The following TENM2 variants were observed in gnomAD, a reference collection of about 807,000 sequenced individuals.
The protein encoded by TENM2 is teneurin transmembrane protein 2, also known as teneurin-2.
A neutral mutation model predicts 245.2 loss-of-function variants in TENM2; 52 were observed. That is an observed-to-expected ratio of 0.21 (90% CI 0.17 to 0.27). TENM2 has a LOEUF of 0.27. TENM2 is among the 10% of genes least tolerant of loss of function. TENM2 has a pLI of 1.00. For synonymous variants in TENM2, 1,363 were observed against 1,438.9 expected, an observed-to-expected ratio of 0.95 and a Z score of 1.19; for missense variants, 3,046 against 3,666.8, an observed-to-expected ratio of 0.83 and a Z score of 4.37.
chr5:167,491,998 C>T (rs181106846), intron 2 of TENM2, among the ~76,000 whole-genome samples: 9 of 152,056 alleles, frequency 5.9e-5, no homozygotes, highest in East Asian at 5.8e-4. Context: ...GAAAGAGGAA[C>T]GCTTTTTCAA....
intron 2 of TENM2, among the ~76,000 whole-genome samples, chr5:167,736,857 A>G (rs1250722438): frequency 2.0e-5 from 3 of 152,152 alleles, no homozygotes; most frequent in Non-Finnish European, 4.4e-5. Context: ...CATCCTAACA[A>G]GGGGCTGAAG....
At chr5:167,166,944 A>G in the TENM2 span, among the ~76,000 whole-genome samples, 1 of 152,282 alleles carries the variant, frequency 6.6e-6, no homozygotes, top group Non-Finnish European at 1.5e-5. Flanking sequence ...CAGGGGCTAG[A>G]TGAGCAAAGC....
chr5:167,139,304 G>T, the TENM2 span, among the ~76,000 whole-genome samples: 10 of 152,184 alleles, frequency 6.6e-5, no homozygotes, highest in African/African-American at 2.4e-4. Flanking sequence ...ATAGAAGAAG[G>T]CAATGAGAAT....
At chr5:167,789,322 T>C (rs1474935498) in intron 2 of TENM2, among the ~76,000 whole-genome samples, 1 of 152,176 alleles carries the variant, frequency 6.6e-6, no homozygotes, top group Non-Finnish European at 1.5e-5. Flanking sequence ...GAGCTACCCA[T>C]TGTGGGAAGC....
chr5:168,130,249 C>T (rs1754452145), intron 12 of TENM2: 2 of 152,156 alleles, frequency 1.3e-5, no homozygotes, highest in African/African-American at 4.8e-5. Flanking sequence ...GATTGCTAAA[C>T]ATTTAAATAT....
chr5:167,051,710 A>C, the TENM2 span, among the ~76,000 whole-genome samples: 1 of 152,232 alleles, frequency 6.6e-6, no homozygotes, highest in East Asian at 1.9e-4. Context: ...AAGGTGGATT[A>C]TCTGAAAAGA....
the TENM2 span, among the ~76,000 whole-genome samples, chr5:167,001,032 T>C: frequency 6.0e-4 from 92 of 152,256 alleles, no homozygotes; most frequent in South Asian, 3.5e-3. Flanking sequence ...GGTTTGTTGA[T>C]TGATTGATTG....
intron 2 of TENM2, among the ~76,000 whole-genome samples, chr5:167,377,368 G>A (rs1030595383): frequency 1.3e-5 from 2 of 152,124 alleles, no homozygotes; most frequent in Admixed American, 1.3e-4. Flanking sequence ...ATTACATGAA[G>A]AGAAATGTAC....
At position 167,512,521 on chromosome 5, in the gene TENM2, C is replaced by T. The variant is rs147135968; in HGVS notation, c.502+137048C>T. ...CCGAGGGATGTAGTGGAATCTTTTGCTGTAATGAATTTATAGCATGGTGCT... is the reference window on the plus strand; with the variant it reads ...CCGAGGGATGTAGTGGAATCTTTTGTTGTAATGAATTTATAGCATGGTGCT... On this transcript the variant is annotated intron_variant, in intron 2 of 28. Coordinates refer to ENST00000518659, the Ensembl canonical transcript of TENM2. Among the ~76,000 whole-genome samples the T allele has an allele frequency of 5.3e-5, 8 of 152,242 alleles. No homozygotes were observed. The East Asian group carries it at 1.5e-3, about 29-fold the overall frequency.
Position 167,762,409 on chromosome 5 carries a change from A to G in TENM2, c.503-113577A>G, listed in dbSNP as rs74794507. On this transcript the variant is annotated intron_variant, in intron 2 of 28. Coordinates refer to ENST00000518659, the Ensembl canonical transcript of TENM2. ...CATTAAGGATCAAAAAGAACACATA[A>G]TATTTGTGATGGCCAATCATATTCT... Among the ~76,000 whole-genome samples the G allele has an allele frequency of 2.4e-3, 362 of 152,238 alleles. 5 individuals carry two copies. The highest frequency in any genetic ancestry group is 8.4e-3 in the African/African-American group (347 of 41,554).
intron 5 of TENM2, among the ~76,000 whole-genome samples, chr5:168,020,723 A>T (rs1470486435): frequency 1.3e-5 from 2 of 152,294 alleles, no homozygotes; most frequent in African/African-American, 4.8e-5. Flanking sequence ...AGTTGCTAAG[A>T]TACAGTGTGT....
At chr5:167,782,313 C>CA (rs767675565) in intron 2 of TENM2, among the ~76,000 whole-genome samples, 4,871 of 58,538 alleles carry the variant, frequency 0.083, 378 homozygotes, top group Middle Eastern at 0.1. Flanking sequence ...AACTCTGTCT[C>CA]AAAAAAAAAA....
At chr5:167,487,786 T>G (rs1340752119) in intron 2 of TENM2, among the ~76,000 whole-genome samples, 2 of 152,190 alleles carry the variant, frequency 1.3e-5, no homozygotes, top group Non-Finnish European at 2.9e-5. Context: ...AAACTTCAGG[T>G]GGAATACTGC....
the TENM2 span, among the ~76,000 whole-genome samples, chr5:167,161,302 A>T: frequency 2.6e-5 from 4 of 152,210 alleles, no homozygotes; most frequent in African/African-American, 7.2e-5. Flanking sequence ...GAATCACTCG[A>T]CTATACCCTG....
chr5:167,269,536 T>TACACACAC, the TENM2 span, among the ~76,000 whole-genome samples: 58 of 150,720 alleles, frequency 3.8e-4, no homozygotes, highest in Non-Finnish European at 5.5e-4. Context: ...AAATAGTGAC[T>TACACACAC]ACACACACAC....
intron 2 of TENM2, among the ~76,000 whole-genome samples, chr5:167,854,519 A>C (rs1178716325): frequency 1.3e-5 from 2 of 152,208 alleles, no homozygotes. Context: ...CTACCTTGTC[A>C]GTTCTGTTCC....
chr5:166,996,909 G>A, the TENM2 span, among the ~76,000 whole-genome samples: 1 of 152,082 alleles, frequency 6.6e-6, no homozygotes, highest in East Asian at 1.9e-4. Context: ...TGGACTAACT[G>A]CCCCTTTCCC....
chr5:167,880,093 C>G (rs1464317200), intron 3 of TENM2, among the ~76,000 whole-genome samples: 1 of 152,070 alleles, frequency 6.6e-6, no homozygotes, highest in South Asian at 2.1e-4. Context: ...GCTGGAGTGG[C>G]GTGATCTTGG....
rs112308487 is a variant in TENM2, at chr5:168,235,701, G to A, written c.5520+7571G>A. 8.7e-4 allele frequency among the ~76,000 whole-genome samples: 133 copies of A among 152,164 alleles called. 1 individual carries two copies. The East Asian group carries it at 0.018, about 20-fold the overall frequency. ...GCACGCCTATAATCCCAGCTACTTCGGAGGCTGAGGCAATAGAATCACTTG... is the reference window on the plus strand; with the variant it reads ...GCACGCCTATAATCCCAGCTACTTCAGAGGCTGAGGCAATAGAATCACTTG... On this transcript the variant is annotated intron_variant, in intron 25 of 28. Coordinates refer to ENST00000518659, the Ensembl canonical transcript of TENM2.
Sources: allele counts gnomAD v4.1 joint callset (sites outside exome capture counted in the v4.1 genomes callset), GRCh38; gene constraint gnomAD v4.1.1; transcripts MANE v1.5; gene names NCBI Gene and HGNC (gene_info 2026-07-23, HGNC 2026-07-21).